Variants in PTPRT observed in about 807,000 individuals in gnomAD.
The protein encoded by PTPRT is receptor-type tyrosine-protein phosphatase T.
PTPRT carries 56 observed loss-of-function variants against 176.8 expected under a neutral mutation model. That is an observed-to-expected ratio of 0.32 (90% confidence interval 0.26 to 0.40). The LOEUF is 0.40. PTPRT is among the 10% of genes least tolerant of loss of function. PTPRT has a pLI of 1.00. For synonymous variants in PTPRT, 783 were observed against 739.0 expected, an observed-to-expected ratio of 1.06 and a Z score of -0.96; for missense variants, 1,540 against 1,908.2, an observed-to-expected ratio of 0.81 and a Z score of 3.60.
intron 9 of PTPRT, among the ~76,000 whole-genome samples, chr20:42,387,057 C>A (rs1160885809): frequency 6.6e-6 from 1 of 152,072 alleles, no homozygotes; most frequent in Non-Finnish European, 1.5e-5. Context: ...ATTCTAAGCA[C>A]ACAAATTAAT....
chr20:42,200,832 C>A (rs1262400989), intron 15 of PTPRT, among the ~76,000 whole-genome samples: 1 of 152,198 alleles, frequency 6.6e-6, no homozygotes, highest in Non-Finnish European at 1.5e-5. Flanking sequence ...TCCTTCACAA[C>A]AGTAGGCTTC....
At chr20:42,872,195 T>C (rs1458082354) in intron 2 of PTPRT, among the ~76,000 whole-genome samples, 1 of 152,236 alleles carries the variant, frequency 6.6e-6, no homozygotes, top group Admixed American at 6.5e-5. Flanking sequence ...ACATAAAGTA[T>C]GATCGTGTCA....
intron 6 of PTPRT, among the ~76,000 whole-genome samples, chr20:42,702,285 T>C (rs1331751057): frequency 6.6e-6 from 1 of 152,172 alleles, no homozygotes; most frequent in African/African-American, 2.4e-5. Flanking sequence ...TGTCTCCATG[T>C]TGTTGGGCCC....
intron 2 of PTPRT, among the ~76,000 whole-genome samples, chr20:42,883,918 ACCAGTACACAGGCATG>A: frequency 3.4e-4 from 1 of 2,930 alleles, no homozygotes; most frequent in African/African-American, 1.3e-3. Context: ...ACACACACAT[ACCAGTACACAGGCATG>A]CACACACACC....
chr20:42,290,346 G>A (rs115390455), intron 12 of PTPRT, among the ~76,000 whole-genome samples: 1,593 of 152,028 alleles, frequency 0.01, 35 homozygotes, highest in African/African-American at 0.036. Flanking sequence ...ATCACCCTGG[G>A]GTAGAACACC....
intron 7 of PTPRT, among the ~76,000 whole-genome samples, chr20:42,676,823 G>A (rs545784540): frequency 2.0e-5 from 3 of 152,320 alleles, no homozygotes; most frequent in African/African-American, 4.8e-5. Context: ...TGCATCCAGA[G>A]CCAGATCATC....
chr20:42,759,938 G>A (rs2076890849), intron 5 of PTPRT, among the ~76,000 whole-genome samples: 1 of 152,134 alleles, frequency 6.6e-6, no homozygotes, highest in Non-Finnish European at 1.5e-5. Context: ...AGTGCTTTCA[G>A]GAGAAAGGAT....
intron 8 of PTPRT, among the ~76,000 whole-genome samples, chr20:42,470,689 C>A (rs762899499): frequency 6.6e-6 from 1 of 151,928 alleles, no homozygotes. Context: ...CAATCTGGGG[C>A]AATCAAGGAA....
chr20:43,025,110 G>A (rs905046577), intron 1 of PTPRT, among the ~76,000 whole-genome samples: 3 of 152,156 alleles, frequency 2.0e-5, no homozygotes, highest in Non-Finnish European at 4.4e-5. Context: ...TCCACTTACA[G>A]GATAACCTGT....
chr20:42,792,411 T>A (rs2077390320), intron 2 of PTPRT, among the ~76,000 whole-genome samples: 1 of 152,200 alleles, frequency 6.6e-6, no homozygotes, highest in Non-Finnish European at 1.5e-5. Context: ...CAGTTCAGTG[T>A]ACAAATAACT....
At chr20:43,090,066 A>G (rs1017310246) in intron 1 of PTPRT, among the ~76,000 whole-genome samples, 3 of 152,212 alleles carry the variant, frequency 2.0e-5, no homozygotes, top group African/African-American at 7.2e-5. Flanking sequence ...CTAGTTCTAC[A>G]TTCCTAAAAT....
chr20:43,121,787 T>A (rs1180300773), intron 1 of PTPRT, among the ~76,000 whole-genome samples: 2 of 152,228 alleles, frequency 1.3e-5, no homozygotes, highest in African/African-American at 4.8e-5. Flanking sequence ...GATGCTAAAC[T>A]TGAGTAGGAA....
chr20:42,463,869 T>A (rs2071062677), intron 8 of PTPRT, among the ~76,000 whole-genome samples: 2 of 152,222 alleles, frequency 1.3e-5, no homozygotes, highest in African/African-American at 4.8e-5. Flanking sequence ...TTTAGTCTCA[T>A]ATTTCCTAGT....
At chr20:42,846,624 A>C (rs1001263067) in intron 2 of PTPRT, among the ~76,000 whole-genome samples, 2 of 152,168 alleles carry the variant, frequency 1.3e-5, no homozygotes, top group Admixed American at 1.3e-4. Flanking sequence ...TAGGGGATAA[A>C]GTTTTAATTT....
chr20:43,054,797 G>T (rs545818828), intron 1 of PTPRT, among the ~76,000 whole-genome samples: 41 of 152,238 alleles, frequency 2.7e-4, no homozygotes, highest in African/African-American at 8.2e-4. Flanking sequence ...TCCAGTGGGG[G>T]TGGGGGGAGC....
intron 13 of PTPRT, among the ~76,000 whole-genome samples, chr20:42,275,325 C>T (rs1012969083): frequency 9.2e-5 from 14 of 152,208 alleles, no homozygotes; most frequent in African/African-American, 2.4e-4. Flanking sequence ...TGTTCCTTCC[C>T]GGACTCCCAA....
chr20:43,026,203 C>T (rs571728396), intron 1 of PTPRT, among the ~76,000 whole-genome samples: 3 of 152,194 alleles, frequency 2.0e-5, no homozygotes, highest in Admixed American at 2.0e-4. Context: ...CTGCAACCTC[C>T]GCCTCCCAGA....
At chr20:42,570,336 G>A (rs2073133317) in intron 7 of PTPRT, among the ~76,000 whole-genome samples, 1 of 152,160 alleles carries the variant, frequency 6.6e-6, no homozygotes, top group Non-Finnish European at 1.5e-5. Flanking sequence ...ACTTTAATGT[G>A]TAAATGCCAT....
chr20:42,536,497 C>T (rs1455617089), intron 7 of PTPRT, among the ~76,000 whole-genome samples: 1 of 152,160 alleles, frequency 6.6e-6, no homozygotes, highest in East Asian at 1.9e-4. Context: ...GCACATTTGT[C>T]AGGAGATACC....
Sources: gnomAD v4.1 joint callset for allele counts (sites outside exome capture counted in the v4.1 genomes callset) on GRCh38, gnomAD v4.1.1 for gene constraint, MANE v1.5 for transcripts, NCBI Gene and HGNC (gene_info 2026-07-23, HGNC 2026-07-21) for gene names.